The following NAV2 variants were observed in gnomAD, a reference collection of about 807,000 sequenced individuals.
NAV2 encodes the protein helicase, APC down-regulated 1.
NAV2 carries 54 observed loss-of-function variants against 223.2 expected under a neutral mutation model. The observed-to-expected ratio is 0.24, with a 90% CI of 0.19 to 0.30. The LOEUF is 0.30. Ranked by LOEUF, NAV2 falls within the 10% of genes least tolerant of loss-of-function variation. The pLI is 1.00. For missense variants in NAV2, 2,806 were observed against 3,147.5 expected (o/e 0.89, Z 2.60); for synonymous variants, 1,279 against 1,239.3 (o/e 1.03, Z -0.67).
intron 1 of NAV2, among the ~76,000 whole-genome samples, chr11:19,526,681 A>G (rs539294784): frequency 6.6e-6 from 1 of 152,148 alleles, no homozygotes; most frequent in African/African-American, 2.4e-5. Flanking sequence ...AGTCCCCAGG[A>G]TGGCTGGGGA....
intron 1 of NAV2, among the ~76,000 whole-genome samples, chr11:19,817,347 T>C (rs1335481638): frequency 6.6e-6 from 1 of 152,120 alleles, no homozygotes; most frequent in African/African-American, 2.4e-5. Flanking sequence ...AATGTAAATG[T>C]TTTTTGGGAA....
At chr11:19,806,511 A>G (rs2058568328) in intron 1 of NAV2, among the ~76,000 whole-genome samples, 1 of 152,256 alleles carries the variant, frequency 6.6e-6, no homozygotes, top group Non-Finnish European at 1.5e-5. Context: ...CTTAGAAAGA[A>G]GAAGGTATGA....
chr11:19,888,336 G>T (rs563780027), intron 5 of NAV2, among the ~76,000 whole-genome samples: 1 of 152,094 alleles, frequency 6.6e-6, no homozygotes, highest in Non-Finnish European at 1.5e-5. Context: ...CCTCAGTGAG[G>T]CAGGCCCAGT....
intron 22 of NAV2, among the ~76,000 whole-genome samples, chr11:20,075,047 G>T (rs1469076654): frequency 6.6e-6 from 1 of 152,054 alleles, no homozygotes; most frequent in African/African-American, 2.4e-5. Flanking sequence ...TGCAATATGA[G>T]GATAGTAAAT....
upstream of NAV2, among the ~76,000 whole-genome samples, chr11:19,348,813 C>A (rs923392519): frequency 6.6e-6 from 1 of 152,190 alleles, no homozygotes; most frequent in African/African-American, 2.4e-5. Context: ...GTTACTGGCT[C>A]AGGGTCACAC....
intron 4 of NAV2, among the ~76,000 whole-genome samples, chr11:19,872,302 A>G (rs7934209): frequency 0.013 from 1,914 of 152,264 alleles, 37 homozygotes; most frequent in African/African-American, 0.043. Context: ...CAGCAACCTT[A>G]TGGGGTCAGT....
exon 1 of NAV2, chr11:19,350,926 GGA>G (rs1564868584): frequency 6.4e-7 from 1 of 1,550,444 alleles, no homozygotes; most frequent in Admixed American, 2.0e-5. Context: ...CATCGCTGAA[GGA>G]GAGAGAGGAT....
intron 1 of NAV2, among the ~76,000 whole-genome samples, chr11:19,650,363 A>C (rs1384587613): frequency 6.6e-6 from 1 of 152,196 alleles, no homozygotes; most frequent in Non-Finnish European, 1.5e-5. Context: ...GGCTGTCAGA[A>C]GCTGGAAGAG....
rs1475032034 is a variant in NAV2 at position 19,689,878 on chromosome 11, TACTG to T, written c.76-142602_76-142599del. Among the ~76,000 whole-genome samples the T allele has an allele frequency of 4.6e-5, 7 of 152,344 alleles. No individual in the cohort carries two copies. In the South Asian group the frequency reaches 1.2e-3, roughly 27 times the overall value. On this transcript the variant is annotated intron_variant, in intron 1 of 37. Transcript: ENST00000360655. Reference sequence around the variant, plus strand: ...ATTGCCATGGTTGCCAGATGCACGATACTGACTATCATATGAGAATCAAACAAAT... The same window carrying T: ...ATTGCCATGGTTGCCAGATGCACGATACTATCATATGAGAATCAAACAAAT...
chr11:19,661,037 C>G (rs148080190), intron 1 of NAV2, among the ~76,000 whole-genome samples: 99 of 152,266 alleles, frequency 6.5e-4, no homozygotes, highest in Admixed American at 1.2e-3. Flanking sequence ...TACCATCTAT[C>G]TCTGTAACTT....
chr11:19,860,091 G>C (rs2061641637), intron 3 of NAV2, among the ~76,000 whole-genome samples: 4 of 124,624 alleles, frequency 3.2e-5, no homozygotes, highest in East Asian at 2.5e-4. Context: ...CGGGCAGAGG[G>C]GCTCCTCACT....
chr11:19,651,081 C>A (rs1444873151), intron 1 of NAV2, among the ~76,000 whole-genome samples: 2 of 152,158 alleles, frequency 1.3e-5, no homozygotes, highest in Non-Finnish European at 2.9e-5. Flanking sequence ...AGTCACACAG[C>A]TCTGATGGCC....
At chr11:19,927,262 A>G (rs1326325704) in intron 6 of NAV2, among the ~76,000 whole-genome samples, 1 of 152,200 alleles carries the variant, frequency 6.6e-6, no homozygotes, top group Non-Finnish European at 1.5e-5. Flanking sequence ...TCCAACTGCA[A>G]GGCACAGCCC....
chr11:19,686,931 C>T (rs567151512), intron 1 of NAV2, among the ~76,000 whole-genome samples: 27 of 152,296 alleles, frequency 1.8e-4, no homozygotes, highest in South Asian at 1.2e-3. Flanking sequence ...CCATATGAGG[C>T]GGGCACTATT....
chr11:19,369,597 C>T (rs80155556), intron 1 of NAV2, among the ~76,000 whole-genome samples: 1 of 152,086 alleles, frequency 6.6e-6, no homozygotes, highest in Non-Finnish European at 1.5e-5. Context: ...TTTCTTTGAG[C>T]TAGGTGCCCT....
rs184486174 is a variant in NAV2, at chr11:19,762,876, T to G, written c.267+48914T>G. Among the ~76,000 whole-genome samples the G allele has an allele frequency of 3.5e-3, 536 of 152,246 alleles. 5 individuals are homozygous for G. The highest frequency in any genetic ancestry group is 0.014 in the South Asian group (66 of 4,812). ...ATCCGCCCGCCTCAGCCTCCCAAAG[T>G]ACTAGGATTACAGGCATGAGCCACT... On this transcript the variant is annotated intron_variant, in intron 1 of 37. Coordinates refer to ENST00000349880, the MANE Select transcript of NAV2 (RefSeq NM_145117.5).
chr11:19,357,725 T>C (rs1003006982), intron 1 of NAV2, among the ~76,000 whole-genome samples: 20 of 152,212 alleles, frequency 1.3e-4, no homozygotes, highest in African/African-American at 4.8e-4. Context: ...AAGTGTACTT[T>C]TCTGTTTCAG....
At position 19,859,137 on chromosome 11, in the gene NAV2, C is replaced by CTTTTTTTTTTT. The variant is rs569446282; in HGVS notation, c.439-9776_439-9766dup. 1.3e-3 allele frequency among the ~76,000 whole-genome samples: 138 copies of CTTTTTTTTTTT among 107,070 alleles called. 1 individual carries two copies. Among genetic ancestry groups the CTTTTTTTTTTT allele is most frequent in the East Asian group, 2.6e-3 (8 of 3,070 alleles). The allele number at this position is 107,070 out of a possible 152,430, so 70.2% of individuals were successfully genotyped here. ...ATGGAGGAGTCCAAAATCATATTCT[C>CTTTTTTTTTTT]TTTTTTTTTTTTTTTTTTTTTTATT... On this transcript the variant is annotated intron_variant, in intron 3 of 37. Coordinates refer to ENST00000349880, the MANE Select transcript of NAV2 (RefSeq NM_145117.5).
At chr11:19,649,530 T>G (rs1419531262) in intron 1 of NAV2, among the ~76,000 whole-genome samples, 1 of 152,200 alleles carries the variant, frequency 6.6e-6, no homozygotes, top group Non-Finnish European at 1.5e-5. Context: ...GGTTCACAGA[T>G]GGCTGTCTTG....
Sources: allele counts gnomAD v4.1 joint callset (sites outside exome capture counted in the v4.1 genomes callset), GRCh38; gene constraint gnomAD v4.1.1; transcripts MANE v1.5; gene names NCBI Gene and HGNC (gene_info 2026-07-23, HGNC 2026-07-21).